Variants in SDSL observed in about 807,000 individuals in gnomAD.
SDSL encodes the protein serine dehydratase-like.
A neutral mutation model predicts 27.6 loss-of-function variants in SDSL; 26 were observed. That is an observed-to-expected ratio of 0.94 (90% CI 0.69 to 1.31). The LOEUF (loss-of-function observed/expected upper bound fraction) is 1.31, where lower values mean the gene tolerates loss of function less well. SDSL is among the 50% of genes most tolerant of loss of function. The pLI is 0.00. For synonymous variants in SDSL, 196 were observed against 180.6 expected, an observed-to-expected ratio of 1.09 and a Z score of -0.69; for missense variants, 431 against 423.5, an observed-to-expected ratio of 1.02 and a Z score of -0.16.
At chr12:113,425,237 T>C (rs1001204593) in intron 1 of SDSL, among the ~76,000 whole-genome samples, 28 of 152,250 alleles carry the variant, frequency 1.8e-4, no homozygotes, top group African/African-American at 6.7e-4. Flanking sequence ...AGCTGAGGCC[T>C]AGGCTGGGGT....
intron 6 of SDSL, 113 bp downstream of exon 6, chr12:113,435,669 C>A (rs1957982836): frequency 2.5e-6 from 2 of 801,860 alleles, no homozygotes; most frequent in Admixed American, 2.5e-5. Context: ...TGTCCTTGGT[C>A]CTGGGACTCC....
chr12:113,434,904 C>T (rs1010552637), intron 5 of SDSL, among the ~76,000 whole-genome samples: 8 of 152,196 alleles, frequency 5.3e-5, no homozygotes, highest in African/African-American at 1.9e-4. Context: ...CACCTGAGGT[C>T]AGGAGTTCGA....
intron 6 of SDSL, 126 bp from the exon 7 acceptor site, chr12:113,436,625 A>T: frequency 9.8e-7 from 1 of 1,017,314 alleles, no homozygotes; most frequent in Non-Finnish European, 1.3e-6. Context: ...TCTGTGACTT[A>T]TAATGCTGAG....
chr12:113,435,692 G>A (rs1957983044), intron 6 of SDSL, 136 bp downstream of exon 6: 2 of 652,576 alleles, frequency 3.1e-6, no homozygotes, highest in Non-Finnish European at 5.4e-6. Context: ...CCACAGTAAA[G>A]TGGACCTGAG....
chr12:113,428,842 G>A (rs2136952109), intron 3 of SDSL, among the ~76,000 whole-genome samples: 1 of 151,916 alleles, frequency 6.6e-6, no homozygotes. Context: ...AGGAATTCCA[G>A]CCTTGCATCC....
intron 4 of SDSL, among the ~76,000 whole-genome samples, chr12:113,431,308 G>T (rs1468283344): frequency 6.6e-6 from 1 of 152,202 alleles, no homozygotes; most frequent in East Asian, 1.9e-4. Context: ...CATGAAAGGA[G>T]TTTGAGCAGG....
intron 5 of SDSL, 103 bp from the exon 6 acceptor site, chr12:113,435,226 G>C: frequency 1.4e-6 from 1 of 705,734 alleles, no homozygotes; most frequent in Non-Finnish European, 2.3e-6. Context: ...TTATGTATAT[G>C]AGGGGGCAGA....
intron 3 of SDSL, 141 bp downstream of exon 3, chr12:113,428,600 C>A: frequency 1.5e-6 from 1 of 663,342 alleles, no homozygotes; most frequent in East Asian, 2.8e-5. Flanking sequence ...CTGTGTACAT[C>A]CCATCCTAGC....
At chr12:113,431,428 G>A (rs979554064) in intron 4 of SDSL, among the ~76,000 whole-genome samples, 1 of 152,122 alleles carries the variant, frequency 6.6e-6, no homozygotes, top group South Asian at 2.1e-4. Flanking sequence ...AGCACTACAC[G>A]GTTTTGAATC....
intron 4 of SDSL, among the ~76,000 whole-genome samples, chr12:113,429,787 A>T (rs554684524): frequency 6.6e-6 from 1 of 152,246 alleles, no homozygotes; most frequent in South Asian, 2.1e-4. Context: ...AGAAGGAAAA[A>T]ATCATTCAAA....
chr12:113,438,004 G>A lies in SDSL; in HGVS notation c.915G>A (p.Val305=), dbSNP rs368612774. The change falls in exon 8 of 8, where the codon GTG becomes GTA. Residue 305 remains valine (V), a synonymous_variant. Transcript: ENST00000403593. ...TGCCCCCTTCCCTGACTTCAGTTGT[G>A]GTAATCGTGTGTGGAGGCAACAACA... ...GCLPPSLTSV[V]VIVCGGNNIN... 2.5e-6 allele frequency: 4 copies of A among 1,614,090 alleles called. No homozygotes were observed. Among genetic ancestry groups the A allele is most frequent in the African/African-American group, 1.3e-5 (1 of 74,942 alleles).
At position 113,429,154 on chromosome 12, in the gene SDSL, G is replaced by T. The variant is rs376639738; in HGVS notation, c.215-6G>T. ...GCCCACTGCCCCTTTCCTCCTTTCT[G>T]CACAGGGGGTAATGCGGGCATCGCT... On this transcript the variant is annotated splice_polypyrimidine_tract_variant and splice_region_variant and intron_variant, in intron 3 of 7. Transcript: ENST00000403593. 4.3e-6 allele frequency: 7 copies of T among 1,611,074 alleles called. No individual in the cohort carries two copies. Among genetic ancestry groups the T allele is most frequent in the Non-Finnish European group, 5.9e-6 (7 of 1,178,170 alleles).
At chr12:113,427,201 C>G (rs1257058434) in intron 1 of SDSL, 3 of 152,378 alleles carry the variant, frequency 2.0e-5, no homozygotes, top group African/African-American at 7.2e-5. Flanking sequence ...CTCCGCCTCC[C>G]AGGTTCAAGT....
intron 1 of SDSL, among the ~76,000 whole-genome samples, chr12:113,427,439 T>C (rs1957862700): frequency 6.6e-6 from 1 of 152,266 alleles, no homozygotes; most frequent in Admixed American, 6.5e-5. Flanking sequence ...CAGTTCTCAA[T>C]ACTTTTGCTA....
In SDSL at chr12:113,428,308, T is replaced by TGAGG. The variant is rs542356199; in HGVS notation, c.175-110_175-107dup. The TGAGG allele has an allele frequency of 2.7e-3, 3,612 of 1,315,222 alleles. 9 individuals carry two copies. Among genetic ancestry groups the TGAGG allele is most frequent in the Non-Finnish European group, 3.5e-3 (3,299 of 945,374 alleles). 81.5% of individuals were successfully genotyped at this position (1,315,222 alleles called of 1,614,324 possible). A position where few individuals can be genotyped will look rare whatever the true frequency, so the allele number is the denominator to read the frequency against. On this transcript the variant is annotated intron_variant, in intron 2 of 7. Transcript: ENST00000403593. The stretch of plus-strand genomic sequence containing the variant: ...GGTAAGGGCAGGGCTGTGGGCAGGA[T>TGAGG]GAGGGGTAAAGGCGTATTGGGAGTG...
chr12:113,423,769 G>A (rs1159843552), intron 1 of SDSL, among the ~76,000 whole-genome samples: 2 of 152,028 alleles, frequency 1.3e-5, no homozygotes, highest in Non-Finnish European at 2.9e-5. Context: ...AAACAAGAAA[G>A]CGGAAGGATT....
In SDSL at chr12:113,428,939, G is replaced by A. The variant is rs185435807; in HGVS notation, c.215-221G>A. ...GGAATTGTTTTTTTTTTTTGGCCCC[G>A]CTTGGGTGGCGTCTTCATCCTTGAA... On this transcript the variant is annotated intron_variant, in intron 3 of 7. Transcript: ENST00000403593. Among the ~76,000 whole-genome samples the A allele has an allele frequency of 1.7e-3, 249 of 149,930 alleles. 1 individual carries two copies. The highest frequency in any genetic ancestry group is 5.8e-3 in the African/African-American group (238 of 40,760).
Position 113,435,470 on chromosome 12 carries a change from C to T in SDSL, c.585C>T (p.Pro195=). The T allele has an allele frequency of 1.9e-6, 3 of 1,614,148 alleles. No individual in the cohort carries two copies. The highest frequency in any genetic ancestry group is 2.5e-6 in the Non-Finnish European group (3 of 1,180,010). ...GLLEVGWQHV[P]IIAMETHGAH... ...TGGAGGTGGGCTGGCAGCATGTACC[C>T]ATCATTGCCATGGAGACCCATGGGG... is the stretch of plus-strand genomic sequence containing the variant. The change falls in exon 6 of 8, where the codon CCC becomes CCT. Residue 195 remains proline, a synonymous_variant. Transcript: ENST00000403593.
chr12:113,428,583 A>C, intron 3 of SDSL, 124 bp downstream of exon 3: 1 of 755,432 alleles, frequency 1.3e-6, no homozygotes, highest in Non-Finnish European at 2.2e-6. Flanking sequence ...CATTGATGAG[A>C]TGACTACTGT....
Sources: gnomAD v4.1 joint callset for allele counts (sites outside exome capture counted in the v4.1 genomes callset) on GRCh38, gnomAD v4.1.1 for gene constraint, MANE v1.5 for transcripts, NCBI Gene and HGNC (gene_info 2026-07-23, HGNC 2026-07-21) for gene names.